DIAPH3: variants seen among roughly 807,000 people sequenced by gnomAD.
DIAPH3 encodes protein diaphanous homolog 3.
A neutral mutation model predicts 144.3 loss-of-function variants in DIAPH3; 117 were observed. The ratio of observed to expected loss-of-function variants is 0.81; its 90% CI spans 0.70 to 0.95. DIAPH3 has a LOEUF of 0.95. DIAPH3 is among the 40% of genes least tolerant of loss of function. DIAPH3 has a pLI of 0.00. For synonymous variants in DIAPH3, 519 were observed against 488.9 expected (o/e 1.06, Z -0.81); for missense variants, 1,421 against 1,412.7 (o/e 1.01, Z -0.09).
At chr13:59,859,003 AG>A (rs1177289192) in intron 22 of DIAPH3, among the ~76,000 whole-genome samples, 2 of 152,204 alleles carry the variant, frequency 1.3e-5, no homozygotes, top group Non-Finnish European at 2.9e-5. Context: ...TAGCTCACTG[AG>A]GAGGTTTCAA....
At chr13:59,789,932 C>T (rs1179375357) in intron 25 of DIAPH3, among the ~76,000 whole-genome samples, 1 of 152,146 alleles carries the variant, frequency 6.6e-6, no homozygotes, top group Non-Finnish European at 1.5e-5. Context: ...TTATGTGGAA[C>T]ACGACAAGTT....
chr13:59,774,688 A>G (rs1251632957), intron 26 of DIAPH3, 40 bp downstream of exon 26: 2 of 1,550,662 alleles, frequency 1.3e-6, no homozygotes, highest in Admixed American at 3.3e-5. Context: ...TCTCTGTGAT[A>G]GCTCCCTAGA....
chr13:59,735,671 T>C (rs955224157), intron 27 of DIAPH3, among the ~76,000 whole-genome samples: 1 of 152,194 alleles, frequency 6.6e-6, no homozygotes, highest in East Asian at 1.9e-4. Flanking sequence ...ACCCATGAGG[T>C]AGATTTTTTT....
At chr13:59,770,238 G>A (rs895263379) in intron 27 of DIAPH3, among the ~76,000 whole-genome samples, 3 of 151,978 alleles carry the variant, frequency 2.0e-5, no homozygotes, top group African/African-American at 7.2e-5. Context: ...AAATTATTTG[G>A]GTGACATTAA....
intron 8 of DIAPH3, 147 bp downstream of exon 8, chr13:60,010,386 A>T: frequency 1.3e-6 from 1 of 787,144 alleles, no homozygotes; most frequent in Non-Finnish European, 1.9e-6. Context: ...TTTCCAGCCA[A>T]TAAGAAACTA....
intron 27 of DIAPH3, among the ~76,000 whole-genome samples, chr13:59,711,203 T>A: frequency 6.6e-6 from 1 of 152,206 alleles, no homozygotes; most frequent in East Asian, 1.9e-4. Flanking sequence ...CAAGTTTAAG[T>A]GAGCATAGTG....
chr13:59,831,758 G>A (rs1372358008), intron 24 of DIAPH3, among the ~76,000 whole-genome samples: 2 of 151,894 alleles, frequency 1.3e-5, no homozygotes, highest in Non-Finnish European at 2.9e-5. Flanking sequence ...TTAGTAGCCA[G>A]TCAGGGGCCA....
At chr13:59,998,199 G>A (rs1454495855) in intron 9 of DIAPH3, among the ~76,000 whole-genome samples, 1 of 151,934 alleles carries the variant, frequency 6.6e-6, no homozygotes, top group African/African-American at 2.4e-5. Flanking sequence ...TAAAATGCAG[G>A]ACTCAAGAAG....
intron 5 of DIAPH3, among the ~76,000 whole-genome samples, chr13:60,032,773 T>C (rs535978696): frequency 1.3e-5 from 2 of 152,276 alleles, no homozygotes; most frequent in Non-Finnish European, 2.9e-5. Context: ...CCTTTTTAGT[T>C]ATGCAAATTT....
At chr13:59,775,650 A>G (rs192939711) in intron 25 of DIAPH3, among the ~76,000 whole-genome samples, 1 of 152,142 alleles carries the variant, frequency 6.6e-6, no homozygotes, top group Admixed American at 6.5e-5. Flanking sequence ...CATGCTTCCA[A>G]CAATTGATTT....
chr13:59,771,767 G>A (rs1181377044), intron 27 of DIAPH3, among the ~76,000 whole-genome samples: 2 of 151,998 alleles, frequency 1.3e-5, no homozygotes, highest in African/African-American at 2.4e-5. Flanking sequence ...GACTAGTTTC[G>A]ACTATGAAAT....
Position 60,082,667 on chromosome 13 carries a change from T to C in DIAPH3, c.495+10961A>G, listed in dbSNP as rs555566937. On this transcript the variant is annotated intron_variant, in intron 4 of 27. Coordinates refer to ENST00000400324, the MANE Select transcript of DIAPH3 (RefSeq NM_001042517.2). ...ACTAAACAATAAAGGGCATATACTA[T>C]TACCAACATGCAAAACTCAGGAAAT... Among the ~76,000 whole-genome samples the C allele has an allele frequency of 1.4e-4, 21 of 152,182 alleles. No individual in the cohort carries two copies. In the South Asian group the frequency reaches 4.4e-3, roughly 32 times the overall value.
intron 4 of DIAPH3, among the ~76,000 whole-genome samples, chr13:60,084,654 G>A (rs1282452359): frequency 6.6e-6 from 1 of 151,934 alleles, no homozygotes; most frequent in East Asian, 1.9e-4. Flanking sequence ...ACAAGGAATA[G>A]TCAAAACCTA....
chr13:60,091,192 A>G (rs2057918348), intron 4 of DIAPH3, among the ~76,000 whole-genome samples: 1 of 152,294 alleles, frequency 6.6e-6, no homozygotes, highest in South Asian at 2.1e-4. Flanking sequence ...AACACTATCT[A>G]CACTCACCAG....
chr13:59,716,426 T>G (rs535383102), intron 27 of DIAPH3, among the ~76,000 whole-genome samples: 1 of 152,034 alleles, frequency 6.6e-6, no homozygotes, highest in East Asian at 1.9e-4. Context: ...CTGCCCGCCT[T>G]TGCCTCCCAA....
chr13:59,983,851 G>A lies in DIAPH3; in HGVS notation c.1398C>T (p.Ser466=). 1 of 1,608,976 alleles carries A rather than the reference G, an allele frequency of 6.2e-7. No individual in the cohort carries two copies. The highest frequency in any genetic ancestry group is 8.5e-7 in the Non-Finnish European group (1 of 1,176,628). The change falls in exon 13 of 28, where the codon TCC becomes TCT. Residue 466 remains serine (S), a synonymous_variant. Transcript: ENST00000400324. ...TTCCATCTCTATGCAATACAATCTG[G>A]GATACACACTCATCAATTAATTTGA... ...QYFKLIDECV[S]QIVLHRDGMD...
chr13:60,015,813 T>TA, intron 7 of DIAPH3, 100 bp downstream of exon 7: 1 of 1,062,960 alleles, frequency 9.4e-7, no homozygotes, highest in Non-Finnish European at 1.4e-6. Flanking sequence ...CATCATGTAC[T>TA]AAAAAACACA....
intron 1 of DIAPH3, among the ~76,000 whole-genome samples, chr13:60,146,395 A>G (rs965804887): frequency 3.9e-5 from 6 of 152,238 alleles, no homozygotes; most frequent in African/African-American, 1.4e-4. Flanking sequence ...CAAAAAAACA[A>G]TATAACATTA....
chr13:59,700,633 G>T (rs1235219969), intron 27 of DIAPH3, among the ~76,000 whole-genome samples: 3 of 152,146 alleles, frequency 2.0e-5, no homozygotes, highest in Non-Finnish European at 4.4e-5. Context: ...TCTTTCCATG[G>T]TGCAAAGACC....
Sources: allele counts gnomAD v4.1 joint callset (sites outside exome capture counted in the v4.1 genomes callset), GRCh38; gene constraint gnomAD v4.1.1; transcripts MANE v1.5; gene names NCBI Gene and HGNC (gene_info 2026-07-23, HGNC 2026-07-21).